Variants in TMEM212 observed in about 807,000 individuals in gnomAD.
The protein encoded by TMEM212 is transmembrane protein 212.
TMEM212 carries 23 observed loss-of-function variants against 20.5 expected under a neutral mutation model. The ratio of observed to expected loss-of-function variants is 1.12; its 90% CI spans 0.81 to 1.59. TMEM212 has a LOEUF of 1.59. TMEM212 is among the 40% of genes most tolerant of loss of function. The probability of loss-of-function intolerance (pLI) is 0.00; values close to 1 mark genes in which losing one functional copy is unlikely to be tolerated. For synonymous variants in TMEM212, 76 were observed against 81.6 expected (o/e 0.93, Z 0.37); for missense variants, 211 against 215.0 (o/e 0.98, Z 0.12).
chr3:171,845,595 GT>G (rs1228696758), intron 1 of TMEM212, among the ~76,000 whole-genome samples: 1 of 152,172 alleles, frequency 6.6e-6, no homozygotes, highest in Non-Finnish European at 1.5e-5. Context: ...ATTTTTACCA[GT>G]TAGGCCCGGA....
intron 1 of TMEM212, among the ~76,000 whole-genome samples, chr3:171,849,835 C>T (rs1724931155): frequency 6.6e-6 from 1 of 152,084 alleles, no homozygotes; most frequent in Non-Finnish European, 1.5e-5. Flanking sequence ...GTTGCAAAAC[C>T]CAGCTGATAT....
rs112568932 is a variant in TMEM212, at chr3:171,859,116, C to G, written c.*1059C>G. 3.9e-5 allele frequency: 6 copies of G among 152,098 alleles called. No individual in the cohort carries two copies. Among genetic ancestry groups the G allele is most frequent in the African/African-American group, 9.7e-5 (4 of 41,394 alleles). 9.4% of individuals were successfully genotyped at this position (152,098 alleles called of 1,614,324 possible). A position where few individuals can be genotyped will look rare whatever the true frequency, so the allele number is the denominator to read the frequency against. The stretch of plus-strand genomic sequence containing the variant: ...ATTGAACAATGGGAACACTTGGACA[C>G]AGGGTGGGGAACATCACACACTGGG... On this transcript the variant is annotated 3_prime_UTR_variant, in exon 5 of 5. Transcript: ENST00000334567.
At chr3:171,846,681 T>C (rs1724841826) in intron 1 of TMEM212, among the ~76,000 whole-genome samples, 1 of 152,220 alleles carries the variant, frequency 6.6e-6, no homozygotes, top group African/African-American at 2.4e-5. Flanking sequence ...ATTATACTAG[T>C]GCAGGAAAAA....
chr3:171,845,650 G>T lies in TMEM212; in HGVS notation c.159+2108G>T, dbSNP rs527765704. Among the ~76,000 whole-genome samples the T allele has an allele frequency of 3.9e-5, 6 of 152,170 alleles. No individual in the cohort carries two copies. The East Asian group carries it at 7.7e-4, about 20-fold the overall frequency. Reference sequence around the variant, plus strand: ...TCCAGCACATAGTTAATTGGTAACTGTTTGATTTCAGAGGTGGCAGCATCA... The same window carrying T: ...TCCAGCACATAGTTAATTGGTAACTTTTTGATTTCAGAGGTGGCAGCATCA... On this transcript the variant is annotated intron_variant, in intron 1 of 4. Coordinates refer to ENST00000334567, the MANE Select transcript of TMEM212 (RefSeq NM_001164436.2).
chr3:171,851,925 C>T, intron 1 of TMEM212, 57 bp from the exon 2 acceptor site: 1 of 1,460,770 alleles, frequency 6.8e-7, no homozygotes, highest in Non-Finnish European at 9.3e-7. Flanking sequence ...ACAGATTGAA[C>T]TCTTTCCAGA....
intron 3 of TMEM212, among the ~76,000 whole-genome samples, chr3:171,854,676 A>C (rs1029472285): frequency 5.3e-5 from 8 of 152,210 alleles, no homozygotes; most frequent in African/African-American, 1.7e-4. Context: ...ACAAAAGACC[A>C]CACATAGCCA....
In TMEM212 at chr3:171,853,528, G is replaced by C; in HGVS notation, c.221G>C (p.Gly74Ala). The stretch of plus-strand genomic sequence containing the variant: ...AATTTATTTTTGCTTTATTTTCAGG[G>C]GGAAGCTACTTTCACCTTTGTGATT... ...AYREWTQRYL[G>A]EATFTFVILS... Residue 74 changes from glycine to alanine, a missense_variant and splice_region_variant, in exon 3 of 5, where the codon GGG (glycine) becomes GCG (alanine). Gly to Ala is a moderately conservative substitution (Grantham distance 60). Coordinates refer to ENST00000334567, the MANE Select transcript of TMEM212 (RefSeq NM_001164436.2). 6.5e-7 allele frequency: 1 copy of C among 1,532,250 alleles called. No individual in the cohort carries two copies. The highest frequency in any genetic ancestry group is 1.2e-5 in the South Asian group (1 of 83,536). 94.9% of individuals were successfully genotyped at this position (1,532,250 alleles called of 1,614,324 possible). A position where few individuals can be genotyped will look rare whatever the true frequency, so the allele number is the denominator to read the frequency against.
At position 171,859,149 on chromosome 3, in the gene TMEM212, A is replaced by T. The variant is rs916105211; in HGVS notation, c.*1092A>T. On this transcript the variant is annotated 3_prime_UTR_variant, in exon 5 of 5. Coordinates refer to ENST00000334567, the MANE Select transcript of TMEM212 (RefSeq NM_001164436.2). ...GGAACATCACACACTGGGGCCTTTC[A>T]GTGGGTGGGAGGCTGGGGGAGGGAT... is the stretch of plus-strand genomic sequence containing the variant. 1.3e-5 allele frequency: 2 copies of T among 151,946 alleles called. No homozygotes were observed. The highest frequency in any genetic ancestry group is 6.6e-5 in the Admixed American group (1 of 15,262). The allele number at this position is 151,946 out of a possible 1,614,324, so 9.4% of individuals were successfully genotyped here. A position where few individuals can be genotyped will look rare whatever the true frequency, so the allele number is the denominator to read the frequency against.
chr3:171,850,004 C>A (rs1163777165), intron 1 of TMEM212, among the ~76,000 whole-genome samples: 1 of 152,092 alleles, frequency 6.6e-6, no homozygotes, highest in African/African-American at 2.4e-5. Flanking sequence ...CCAACTATTC[C>A]CCCCTCAGAC....
At chr3:171,853,223 C>G (rs966734642) in intron 2 of TMEM212, among the ~76,000 whole-genome samples, 1 of 151,766 alleles carries the variant, frequency 6.6e-6, no homozygotes, top group African/African-American at 2.4e-5. Flanking sequence ...GGCTTAATAC[C>G]TACGTGATAG....
At chr3:171,847,519 A>G (rs1213479399) in intron 1 of TMEM212, among the ~76,000 whole-genome samples, 2 of 152,228 alleles carry the variant, frequency 1.3e-5, no homozygotes, top group Non-Finnish European at 2.9e-5. Context: ...GAAAAACCAG[A>G]GCTGAACAGT....
rs573663298 is a variant in TMEM212 at position 171,853,673 on chromosome 3, T to C, written c.366T>C (p.Val122=). Residue 122 remains valine, a synonymous_variant, in exon 3 of 5, where the codon GTT becomes GTC. Transcript: ENST00000334567. The part of the protein sequence containing the change: ...IAGTNYLGYA[V]TFPYPYAKFP... ...GGACTAATTACCTTGGCTATGCAGT[T>C]ACCTTTCCTTATCCATATGCAAAAT... The C allele has an allele frequency of 1.0e-4, 157 of 1,537,508 alleles. No homozygotes were observed. The African/African-American group carries it at 2.0e-3, about 20-fold the overall frequency.
chr3:171,855,441 C>A (rs532511324), intron 3 of TMEM212, among the ~76,000 whole-genome samples: 1 of 152,180 alleles, frequency 6.6e-6, no homozygotes, highest in African/African-American at 2.4e-5. Context: ...GGTGAAACCC[C>A]ATCTCTACTA....
Position 171,853,704 on chromosome 3 carries a change from T to C in TMEM212, c.397T>C (p.Leu133=), listed in dbSNP as rs1442518774. 11 of 1,537,406 alleles carry C rather than the reference T, an allele frequency of 7.2e-6. No individual in the cohort carries two copies. The Admixed American group carries it at 9.8e-5, about 14-fold the overall frequency. ...TFPYPYAKFP[L]ACVDPPHYEE... ...TCCTTATCCATATGCAAAATTCCCA[T>C]TAGCCTGTGTGGACCCACCACACTA... Residue 133 remains leucine, a synonymous_variant, in exon 3 of 5, where the codon TTA becomes CTA. Transcript: ENST00000334567.
chr3:171,848,760 T>C (rs1687484591), intron 1 of TMEM212, among the ~76,000 whole-genome samples: 1 of 152,086 alleles, frequency 6.6e-6, no homozygotes, highest in Non-Finnish European at 1.5e-5. Flanking sequence ...GATGGTTACA[T>C]ATTATTTTGG....
At chr3:171,850,667 A>G (rs1489846042) in intron 1 of TMEM212, among the ~76,000 whole-genome samples, 1 of 152,146 alleles carries the variant, frequency 6.6e-6, no homozygotes, top group Non-Finnish European at 1.5e-5. Context: ...TTCTTGTACT[A>G]TTTATGCTGG....
At chr3:171,856,543 G>A (rs1391462274) in intron 3 of TMEM212, 120 bp from the exon 4 acceptor site, 1 of 504,888 alleles carries the variant, frequency 2.0e-6, no homozygotes, top group Non-Finnish European at 3.5e-6. Context: ...ACACCCATTA[G>A]CCAGGTCATG....
intron 1 of TMEM212, among the ~76,000 whole-genome samples, chr3:171,847,278 G>C (rs1724854036): frequency 6.6e-6 from 1 of 152,220 alleles, no homozygotes; most frequent in African/African-American, 2.4e-5. Context: ...CAGGCCCTGA[G>C]GGCTGGACAG....
At chr3:171,850,857 G>GT (rs1724962491) in intron 1 of TMEM212, among the ~76,000 whole-genome samples, 1 of 151,920 alleles carries the variant, frequency 6.6e-6, no homozygotes. Context: ...GTGCACGCGC[G>GT]TGTGTGTTTC....
Sources: gnomAD v4.1 joint callset for allele counts (sites outside exome capture counted in the v4.1 genomes callset) on GRCh38, gnomAD v4.1.1 for gene constraint, MANE v1.5 for transcripts, NCBI Gene and HGNC (gene_info 2026-07-23, HGNC 2026-07-21) for gene names.